Variants in CUX2 observed in about 807,000 individuals in gnomAD.
The protein encoded by CUX2 is cut like homeobox 2.
Under a neutral mutation model 144.8 loss-of-function variants are expected in CUX2, and 40 were observed. The ratio of observed to expected loss-of-function variants is 0.28; its 90% confidence interval spans 0.21 to 0.36. CUX2 has a LOEUF of 0.36. Among genes scored for constraint, CUX2 ranks in the 10% least tolerant of loss-of-function variants. CUX2 has a pLI of 1.00. For missense variants in CUX2, 1,615 were observed against 1,994.0 expected (o/e 0.81, Z 3.62); for synonymous variants, 827 against 875.6 (o/e 0.94, Z 0.98).
At chr12:111,247,501 C>G (rs796412436) in intron 3 of CUX2, among the ~76,000 whole-genome samples, 5 of 152,318 alleles carry the variant, frequency 3.3e-5, no homozygotes, top group African/African-American at 1.2e-4. Context: ...ACTTGGGATC[C>G]CTGCAGCCTT....
At position 111,109,135 on chromosome 12, in the gene CUX2, A is replaced by G. The variant is rs151209100; in HGVS notation, c.63+74895A>G. Among the ~76,000 whole-genome samples, 176 of 152,282 alleles carry G rather than the reference A, an allele frequency of 1.2e-3. 1 individual carries two copies. Among genetic ancestry groups the G allele is most frequent in the African/African-American group, 3.6e-3 (151 of 41,544 alleles). ...CCACTGATAATCATTGCCTGGGTCC[A>G]TGAATTCATTAGGGGTTGCTAAATG... On this transcript the variant is annotated intron_variant, in intron 1 of 21. Coordinates refer to ENST00000261726, the MANE Select transcript of CUX2 (RefSeq NM_015267.4).
At chr12:111,244,199 G>T (rs1373712259) in intron 3 of CUX2, among the ~76,000 whole-genome samples, 1 of 152,118 alleles carries the variant, frequency 6.6e-6, no homozygotes, top group Non-Finnish European at 1.5e-5. Flanking sequence ...TGGGTTGTTA[G>T]CATGGGTGCT....
intron 4 of CUX2, among the ~76,000 whole-genome samples, chr12:111,274,981 A>C (rs1000179860): frequency 4.6e-5 from 7 of 151,864 alleles, no homozygotes; most frequent in Non-Finnish European, 7.4e-5. Flanking sequence ...ACAAAAAAAA[A>C]CCACCAATAG....
chr12:111,081,402 C>T (rs549879273), intron 1 of CUX2, among the ~76,000 whole-genome samples: 2 of 152,036 alleles, frequency 1.3e-5, no homozygotes, highest in Non-Finnish European at 2.9e-5. Context: ...GGATGAAAGC[C>T]ACTGCCAAGC....
intron 1 of CUX2, among the ~76,000 whole-genome samples, chr12:111,113,642 C>T (rs909577268): frequency 7.9e-5 from 12 of 152,226 alleles, no homozygotes; most frequent in Admixed American, 7.9e-4. Flanking sequence ...GCAACCTCCA[C>T]CTCCCAGGTT....
rs1230760020 is a variant in CUX2, at chr12:111,058,121, A to T, written c.63+23881A>T. Among the ~76,000 whole-genome samples the T allele has an allele frequency of 6.6e-5, 10 of 152,230 alleles. No homozygotes were observed. The East Asian group carries it at 7.7e-4, about 12-fold the overall frequency. ...TTCAGGCATTGTGAATTCCATAATT[A>T]AAAAAAATGAAAAGAACAAAGCTTG... On this transcript the variant is annotated intron_variant, in intron 1 of 21. Coordinates refer to ENST00000261726, the MANE Select transcript of CUX2 (RefSeq NM_015267.4).
chr12:111,310,873 G>C lies in CUX2; in HGVS notation c.1900+191G>C, dbSNP rs571429182. The stretch of plus-strand genomic sequence containing the variant: ...CTGTAAAAGCAGGAAATACATCCTC[G>C]CTCTCTCCTTCCTGGCCCTGGCCAG... On this transcript the variant is annotated intron_variant, in intron 15 of 21. Coordinates refer to ENST00000261726, the MANE Select transcript of CUX2 (RefSeq NM_015267.4). This position sits in a 1 kb window ranked among gnomAD's most constrained non-coding sequence, Gnocchi z 7.9. 6.6e-6 allele frequency among the ~76,000 whole-genome samples: 1 copy of C among 152,214 alleles called. No individual in the cohort carries two copies. Among genetic ancestry groups the C allele is most frequent in the Non-Finnish European group, 1.5e-5 (1 of 68,032 alleles).
chr12:111,298,883 G>A (rs545236352), intron 9 of CUX2, among the ~76,000 whole-genome samples: 4 of 152,290 alleles, frequency 2.6e-5, no homozygotes, highest in Admixed American at 6.5e-5. Context: ...CCCAGACTGC[G>A]GGAGTCCAGG....
Position 111,335,402 on chromosome 12 carries a change from ATCAG to A in CUX2, c.3196+696_3196+699del, listed in dbSNP as rs529520169. ...AGCGAGACCTCATCTCAAAAAAAAAATCAGTCAATCAGTAAAATAAAAAACAAGC... is the reference window on the plus strand; with the variant it reads ...AGCGAGACCTCATCTCAAAAAAAAAATCAATCAGTAAAATAAAAAACAAGC... On this transcript the variant is annotated intron_variant, in intron 19 of 21. Coordinates refer to ENST00000261726, the MANE Select transcript of CUX2 (RefSeq NM_015267.4). 5.9e-5 allele frequency among the ~76,000 whole-genome samples: 9 copies of A among 151,516 alleles called. No homozygotes were observed. In the South Asian group the frequency reaches 1.7e-3, roughly 28 times the overall value.
At chr12:111,072,961 A>T (rs1349504916) in intron 1 of CUX2, among the ~76,000 whole-genome samples, 2 of 152,232 alleles carry the variant, frequency 1.3e-5, no homozygotes, top group Non-Finnish European at 2.9e-5. Flanking sequence ...GAAAGAACAG[A>T]TAAGCAAAAA....
intron 4 of CUX2, among the ~76,000 whole-genome samples, chr12:111,268,746 G>A (rs1291227974): frequency 6.6e-6 from 1 of 152,218 alleles, no homozygotes; most frequent in Non-Finnish European, 1.5e-5. Flanking sequence ...CCGCCTTTTT[G>A]CTTATAATGT....
chr12:111,211,608 G>C (rs997784883), intron 1 of CUX2, among the ~76,000 whole-genome samples: 1 of 152,300 alleles, frequency 6.6e-6, no homozygotes, highest in Non-Finnish European at 1.5e-5. Flanking sequence ...AGACACGGCC[G>C]GGTGTGGTGG....
intron 19 of CUX2, among the ~76,000 whole-genome samples, chr12:111,337,378 A>G (rs1168140666): frequency 6.6e-6 from 1 of 151,898 alleles, no homozygotes; most frequent in Admixed American, 6.6e-5. Flanking sequence ...AGAAAAGAAA[A>G]ATGAACACTA....
At chr12:111,043,469 C>G (rs12099707) in intron 1 of CUX2, among the ~76,000 whole-genome samples, 11,411 of 152,162 alleles carry the variant, frequency 0.075, 1,413 homozygotes, top group African/African-American at 0.26. Flanking sequence ...CTGTCTCATT[C>G]TCACTTTTGC....
rs1320023962 is a variant in CUX2, at chr12:111,035,960, A to G, written c.63+1720A>G. On this transcript the variant is annotated intron_variant, in intron 1 of 21. Transcript: ENST00000261726. The surrounding 1 kb of genome is among the most constrained non-coding windows in gnomAD (Gnocchi z 6.0). ...AAGAGTGGGGGTTATGGAGGCAGAGAGAGAGAGAGAGAGGGAGAATTGGGC... is the reference window on the plus strand; with the variant it reads ...AAGAGTGGGGGTTATGGAGGCAGAGGGAGAGAGAGAGAGGGAGAATTGGGC... Among the ~76,000 whole-genome samples, 2 of 151,288 alleles carry G rather than the reference A, an allele frequency of 1.3e-5. No homozygotes were observed. The highest frequency in any genetic ancestry group is 3.9e-4 in the East Asian group (2 of 5,168).
chr12:111,223,589 C>T (rs1006993792), intron 3 of CUX2, among the ~76,000 whole-genome samples: 2 of 152,196 alleles, frequency 1.3e-5, no homozygotes, highest in Non-Finnish European at 2.9e-5. Context: ...CAAACCCATC[C>T]TTTATGTGAG....
chr12:111,139,691 G>A (rs1419828813), intron 1 of CUX2, among the ~76,000 whole-genome samples: 1 of 152,168 alleles, frequency 6.6e-6, no homozygotes, highest in African/African-American at 2.4e-5. Context: ...GATGAACAAA[G>A]GAATAGTTGT....
intron 20 of CUX2, among the ~76,000 whole-genome samples, chr12:111,339,831 A>G (rs980516669): frequency 2.0e-5 from 3 of 152,098 alleles, no homozygotes; most frequent in Non-Finnish European, 2.9e-5. Flanking sequence ...TTGACCTTCT[A>G]CCTCCTTGCC....
intron 1 of CUX2, among the ~76,000 whole-genome samples, chr12:111,135,306 CT>C (rs1875802100): frequency 6.6e-6 from 1 of 152,022 alleles, no homozygotes. Flanking sequence ...ACATTTGCAC[CT>C]TTGAAGGATT....
Sources: gnomAD v4.1 joint callset for allele counts (sites outside exome capture counted in the v4.1 genomes callset) on GRCh38, gnomAD v4.1.1 for gene constraint, Gnocchi (gnomAD v3.1) non-coding constraint, MANE v1.5 for transcripts, NCBI Gene and HGNC (gene_info 2026-07-23, HGNC 2026-07-21) for gene names.